TLK2: variants seen among roughly 807,000 people sequenced by gnomAD.
TLK2 encodes serine/threonine-protein kinase tousled-like 2.
TLK2 carries 6 observed loss-of-function variants against 117.3 expected under a neutral mutation model. The observed-to-expected ratio is 0.05, with a 90% CI of 0.03 to 0.10. The LOEUF (loss-of-function observed/expected upper bound fraction) is 0.10, where lower values mean the gene tolerates loss of function less well. Ranked by LOEUF, TLK2 falls within the 10% of genes least tolerant of loss-of-function variation. The pLI is 1.00. For missense variants in TLK2, 299 were observed against 901.2 expected, an observed-to-expected ratio of 0.33 and a Z score of 8.56; for synonymous variants, 257 against 316.7, an observed-to-expected ratio of 0.81 and a Z score of 2.00.
intron 13 of TLK2, among the ~76,000 whole-genome samples, chr17:62,577,933 G>C (rs527779876): frequency 6.6e-6 from 1 of 152,278 alleles, no homozygotes; most frequent in South Asian, 2.1e-4. Flanking sequence ...TGTAATCCCA[G>C]CTACTCGGGA....
At chr17:62,583,389 C>G (rs1267706596) in intron 15 of TLK2, among the ~76,000 whole-genome samples, 1 of 151,420 alleles carries the variant, frequency 6.6e-6, no homozygotes, top group Non-Finnish European at 1.5e-5. Context: ...GCCACCGCAC[C>G]CAGCCTATAG....
chr17:62,591,557 C>T (rs1004867452), intron 16 of TLK2, among the ~76,000 whole-genome samples: 3 of 152,148 alleles, frequency 2.0e-5, no homozygotes, highest in Non-Finnish European at 4.4e-5. Flanking sequence ...TGTGTTCTAA[C>T]ACCTGCCTCA....
chr17:62,482,357 C>T (rs187438521), intron 2 of TLK2, among the ~76,000 whole-genome samples: 2 of 130,936 alleles, frequency 1.5e-5, no homozygotes, highest in African/African-American at 5.7e-5. Flanking sequence ...TTAGTAGCTT[C>T]TCCAAGGAGA....
At chr17:62,568,791 G>A (rs1310462862) in intron 11 of TLK2, among the ~76,000 whole-genome samples, 4 of 151,770 alleles carry the variant, frequency 2.6e-5, no homozygotes, top group African/African-American at 9.7e-5. Flanking sequence ...TGCCATGTTG[G>A]CCAGGCTGGT....
intron 10 of TLK2, among the ~76,000 whole-genome samples, chr17:62,563,179 C>T (rs1175000855): frequency 6.6e-6 from 1 of 152,232 alleles, no homozygotes; most frequent in African/African-American, 2.4e-5. Flanking sequence ...ACAAAAGACA[C>T]AGTTCCTGCC....
At chr17:62,598,546 A>ATGGAGTCTCACTCTGTTGCCCAGGC (rs2082645291) in intron 17 of TLK2, among the ~76,000 whole-genome samples, 4 of 148,966 alleles carry the variant, frequency 2.7e-5, no homozygotes, top group African/African-American at 7.4e-5. Context: ...TTTTCCTGAG[A>ATGGAGTCTCACTCTGTTGCCCAGGC]TGGAGTCTCA....
chr17:62,498,390 C>CT lies in TLK2; in HGVS notation c.81+17201dup, dbSNP rs34118887. ...GTTGATAGTGTCGTAGAAAGCCCCC[C>CT]TTTTTTTTTTTTTTTTTGAGACAAA... On this transcript the variant is annotated intron_variant, in intron 2 of 21. Coordinates refer to ENST00000346027, the MANE Select transcript of TLK2 (RefSeq NM_006852.6). Among the ~76,000 whole-genome samples the CT allele has an allele frequency of 5.1e-3, 729 of 142,858 alleles. 2 individuals are homozygous for CT. Among genetic ancestry groups the CT allele is most frequent in the Middle Eastern group, 0.011 (3 of 284 alleles). 93.7% of individuals were successfully genotyped at this position (142,858 alleles called of 152,430 possible).
intron 2 of TLK2, among the ~76,000 whole-genome samples, chr17:62,512,775 T>C (rs1468918689): frequency 6.6e-6 from 1 of 151,742 alleles, no homozygotes; most frequent in Admixed American, 6.6e-5. Context: ...GTTGTAGAGA[T>C]TTTTCTCCCC....
intron 7 of TLK2, among the ~76,000 whole-genome samples, chr17:62,549,419 A>AAAAAAAAAAAAAAGT (rs2078238813): frequency 0.055 from 421 of 7,690 alleles, 57 homozygotes; most frequent in Non-Finnish European, 0.16. Context: ...AAAAAAAAAA[A>AAAAAAAAAAAAAAGT]AAAAAAAAAA....
chr17:62,578,998 G>A lies in TLK2; in HGVS notation c.1286+424G>A, dbSNP rs80305412. Among the ~76,000 whole-genome samples the A allele has an allele frequency of 7.9e-5, 12 of 152,274 alleles. No homozygotes were observed. In the East Asian group the frequency reaches 1.9e-3, roughly 24 times the overall value. The stretch of plus-strand genomic sequence containing the variant: ...AATGACCTTTAAGGGCTATTCAGGT[G>A]TTGAGATTTTAAGTAAGACTCTTAA... On this transcript the variant is annotated intron_variant, in intron 14 of 21. Coordinates refer to ENST00000346027, the MANE Select transcript of TLK2 (RefSeq NM_006852.6).
chr17:62,473,775 T>C (rs558144106), intron 1 of TLK2, among the ~76,000 whole-genome samples: 1 of 152,360 alleles, frequency 6.6e-6, no homozygotes, highest in East Asian at 1.9e-4. Flanking sequence ...ACATTGTTTG[T>C]GGCTACTTCC....
At chr17:62,556,038 C>G (rs2078844001) in intron 9 of TLK2, among the ~76,000 whole-genome samples, 2 of 152,132 alleles carry the variant, frequency 1.3e-5, no homozygotes, top group African/African-American at 4.8e-5. Flanking sequence ...CCTCTGCCTC[C>G]CAAGTAGCTG....
At chr17:62,505,539 C>T (rs2074612722) in intron 2 of TLK2, among the ~76,000 whole-genome samples, 1 of 150,754 alleles carries the variant, frequency 6.6e-6, no homozygotes, top group Non-Finnish European at 1.5e-5. Flanking sequence ...AGGCATGAGC[C>T]ACCACATGCA....
At chr17:62,525,530 C>T (rs1468865917) in intron 6 of TLK2, among the ~76,000 whole-genome samples, 1 of 151,396 alleles carries the variant, frequency 6.6e-6, no homozygotes, top group African/African-American at 2.4e-5. Flanking sequence ...CTCACAGCAA[C>T]CTCTGCCTCG....
chr17:62,541,548 A>T (rs944655293), intron 7 of TLK2, among the ~76,000 whole-genome samples: 14 of 152,220 alleles, frequency 9.2e-5, no homozygotes, highest in African/African-American at 3.4e-4. Flanking sequence ...GAATATTAAG[A>T]ATTTGATCTT....
At chr17:62,490,366 C>T (rs7405991) in intron 2 of TLK2, among the ~76,000 whole-genome samples, 76,744 of 151,888 alleles carry the variant, frequency 0.51, 21,421 homozygotes, top group East Asian at 0.81. Context: ...TAAACCTATA[C>T]GTTGAAATTT....
intron 2 of TLK2, among the ~76,000 whole-genome samples, chr17:62,496,986 G>T (rs2073759514): frequency 6.6e-6 from 1 of 151,390 alleles, no homozygotes; most frequent in African/African-American, 2.4e-5. Flanking sequence ...AAGTTCTTTG[G>T]CCAGGGACAG....
intron 16 of TLK2, among the ~76,000 whole-genome samples, chr17:62,594,008 G>T (rs1252881993): frequency 6.6e-6 from 1 of 151,442 alleles, no homozygotes; most frequent in African/African-American, 2.4e-5. Flanking sequence ...GGCCAGGCTG[G>T]CCTCAAACTC....
intron 16 of TLK2, among the ~76,000 whole-genome samples, chr17:62,586,579 T>C (rs934652555): frequency 6.6e-6 from 1 of 152,126 alleles, no homozygotes; most frequent in South Asian, 2.1e-4. Context: ...CCCAGCACTT[T>C]GGGAGGCTGA....
Sources: gnomAD v4.1 joint callset for allele counts (sites outside exome capture counted in the v4.1 genomes callset) on GRCh38, gnomAD v4.1.1 for gene constraint, MANE v1.5 for transcripts, NCBI Gene and HGNC (gene_info 2026-07-23, HGNC 2026-07-21) for gene names.